Variants in RCL1 observed in about 807,000 individuals in gnomAD.
The protein encoded by RCL1 is RNA terminal phosphate cyclase like 1, also known as RNA 3'-terminal phosphate cyclase-like protein.
RCL1 carries 24 observed loss-of-function variants against 42.4 expected under a neutral mutation model. The ratio of observed to expected loss-of-function variants is 0.57; its 90% CI spans 0.41 to 0.80. The LOEUF (loss-of-function observed/expected upper bound fraction) is 0.80, where lower values mean the gene tolerates loss of function less well. Among genes scored for constraint, RCL1 ranks in the 30% least tolerant of loss-of-function variants. The pLI, the probability that RCL1 is intolerant of heterozygous loss-of-function variation, is 0.00. For synonymous variants in RCL1, 228 were observed against 177.3 expected (o/e 1.29, Z -2.27); for missense variants, 578 against 467.9 (o/e 1.24, Z -2.17).
At chr9:4,818,146 C>T (rs1816457976) in intron 1 of RCL1, among the ~76,000 whole-genome samples, 1 of 151,868 alleles carries the variant, frequency 6.6e-6, no homozygotes, top group African/African-American at 2.4e-5. Flanking sequence ...GTCTTGAACT[C>T]CTGACCTCAG....
chr9:4,803,189 G>A (rs1188537601), intron 1 of RCL1, among the ~76,000 whole-genome samples: 2 of 152,016 alleles, frequency 1.3e-5, no homozygotes, highest in Non-Finnish European at 2.9e-5. Flanking sequence ...ATCTTACTTA[G>A]GTCATAAATG....
At chr9:4,823,949 C>T (rs535315845) in intron 2 of RCL1, among the ~76,000 whole-genome samples, 3 of 152,012 alleles carry the variant, frequency 2.0e-5, no homozygotes, top group Non-Finnish European at 4.4e-5. Flanking sequence ...ACCCAGTTAC[C>T]TCTCTGTGAT....
intron 1 of RCL1, among the ~76,000 whole-genome samples, chr9:4,800,136 GA>G (rs1389029687): frequency 1.3e-5 from 2 of 152,012 alleles, no homozygotes; most frequent in African/African-American, 4.8e-5. Context: ...TTTACCTGTT[GA>G]AAAACATGTA....
At chr9:4,822,555 C>G (rs1045416791) in intron 1 of RCL1, among the ~76,000 whole-genome samples, 1 of 152,138 alleles carries the variant, frequency 6.6e-6, no homozygotes, top group Non-Finnish European at 1.5e-5. Context: ...TGGTGGCTCA[C>G]GACTGTAATC....
chr9:4,834,276 C>T lies in RCL1; in HGVS notation c.584+11C>T, dbSNP rs1587718728. 1.2e-6 allele frequency: 2 copies of T among 1,600,226 alleles called. No individual in the cohort carries two copies. The highest frequency in any genetic ancestry group is 2.3e-5 in the South Asian group (2 of 88,382). Reference sequence around the variant, plus strand: ...TATTAGAGGAATGGCGTATCCTTTCCATTTATTTGGATTTCTTTTTTTTTT... The same window carrying T: ...TATTAGAGGAATGGCGTATCCTTTCTATTTATTTGGATTTCTTTTTTTTTT... On this transcript the variant is annotated intron_variant, in intron 5 of 8. Coordinates refer to ENST00000381750, the MANE Select transcript of RCL1 (RefSeq NM_005772.5).
At position 4,833,959 on chromosome 9, in the gene RCL1, C is replaced by T. The variant is rs186238736; in HGVS notation, c.460-182C>T. 3.9e-5 allele frequency among the ~76,000 whole-genome samples: 6 copies of T among 152,254 alleles called. No individual in the cohort carries two copies. The East Asian group carries it at 9.6e-4, about 24-fold the overall frequency. ...TCGACTTGGACTTTGACACATGCTG[C>T]ACAGGTACTCTCTAGGAGCCAACAT... On this transcript the variant is annotated intron_variant, in intron 4 of 8. Coordinates refer to ENST00000381750, the MANE Select transcript of RCL1 (RefSeq NM_005772.5).
chr9:4,811,232 T>C (rs1054348382), intron 1 of RCL1, among the ~76,000 whole-genome samples: 1 of 149,092 alleles, frequency 6.7e-6, no homozygotes, highest in African/African-American at 2.5e-5. Context: ...CAGTGAGTCA[T>C]GATCACACCA....
chr9:4,821,671 C>T (rs1372816706), intron 1 of RCL1, among the ~76,000 whole-genome samples: 2 of 151,960 alleles, frequency 1.3e-5, no homozygotes, highest in African/African-American at 4.8e-5. Context: ...CAGAGATGGG[C>T]ATCTTGCTGT....
intron 3 of RCL1, among the ~76,000 whole-genome samples, chr9:4,828,465 G>A (rs1215858911): frequency 2.0e-5 from 3 of 151,468 alleles, no homozygotes; most frequent in Non-Finnish European, 4.4e-5. Context: ...TTTTCCCTGG[G>A]ATACTGAGTA....
intron 5 of RCL1, among the ~76,000 whole-genome samples, chr9:4,837,936 C>G (rs979908249): frequency 1.3e-5 from 2 of 152,230 alleles, no homozygotes; most frequent in African/African-American, 4.8e-5. Context: ...ACACAGTGCC[C>G]TTTCTCAGAT....
In RCL1 at chr9:4,849,524, C is replaced by T; in HGVS notation, c.945C>T (p.Val315=). ...MTLGQQDVSK[V]LLGPLSPYTI... The stretch of plus-strand genomic sequence containing the variant: ...TTGGACAGCAGGATGTTTCCAAAGT[C>T]CTGCTAGGCCCTCTCTCTCCCTACA... The change falls in exon 8 of 9, where the codon GTC becomes GTT. Residue 315 remains valine (V), a synonymous_variant. Transcript: ENST00000381750. 2.5e-6 allele frequency: 4 copies of T among 1,613,232 alleles called. No individual in the cohort carries two copies. The highest frequency in any genetic ancestry group is 3.4e-6 in the Non-Finnish European group (4 of 1,179,494).
chr9:4,827,983 G>A (rs544293732), intron 3 of RCL1, among the ~76,000 whole-genome samples: 55 of 152,076 alleles, frequency 3.6e-4, no homozygotes, highest in Non-Finnish European at 6.9e-4. Context: ...TCAGGAGATC[G>A]AGACCAGCCT....
chr9:4,825,023 T>C (rs889737303), intron 2 of RCL1, among the ~76,000 whole-genome samples: 1 of 152,044 alleles, frequency 6.6e-6, no homozygotes, highest in Non-Finnish European at 1.5e-5. Flanking sequence ...ACGATTCTCC[T>C]GCCTTAGCCT....
At position 4,841,266 on chromosome 9, in the gene RCL1, C is replaced by T. The variant is rs749236425; in HGVS notation, c.619C>T (p.Arg207Trp). ...SVRVSPQMAN[R>W]IVDSARSILN... ...ACGTGTGTCACCTCAGATGGCGAAC[C>T]GGATTGTGGATTCTGCAAGGAGCAT... is the stretch of plus-strand genomic sequence containing the variant. The change falls in exon 6 of 9, where the codon CGG becomes TGG. Residue 207 changes from arginine (R) to tryptophan (W), a missense_variant. Arg to Trp is a moderately radical substitution (Grantham distance 101). Transcript: ENST00000381750. 53 of 1,613,344 alleles carry T rather than the reference C, an allele frequency of 3.3e-5. No individual in the cohort carries two copies. Among genetic ancestry groups the T allele is most frequent in the Non-Finnish European group, 4.2e-5 (49 of 1,179,464 alleles).
chr9:4,858,880 C>T (rs893660560), intron 8 of RCL1, among the ~76,000 whole-genome samples: 6 of 152,216 alleles, frequency 3.9e-5, no homozygotes, highest in Admixed American at 3.3e-4. Context: ...ATTCCCTAAC[C>T]TTGCCCAATG....
At chr9:4,811,832 C>A (rs1323060914) in intron 1 of RCL1, among the ~76,000 whole-genome samples, 3 of 152,124 alleles carry the variant, frequency 2.0e-5, no homozygotes, top group African/African-American at 7.2e-5. Context: ...TATTTAAGTT[C>A]CTTCTTTTTG....
intron 7 of RCL1, among the ~76,000 whole-genome samples, chr9:4,846,355 G>A (rs1021926381): frequency 1.9e-4 from 29 of 152,254 alleles, no homozygotes; most frequent in African/African-American, 6.8e-4. Flanking sequence ...AGAAGAAGGA[G>A]ATGAAATCTT....
intron 7 of RCL1, 71 bp downstream of exon 7, chr9:4,844,752 C>T: frequency 4.0e-6 from 6 of 1,496,826 alleles, no homozygotes; most frequent in South Asian, 2.5e-5. Flanking sequence ...CATCTCTTGG[C>T]AGCTTTCGTC....
intron 1 of RCL1, among the ~76,000 whole-genome samples, chr9:4,797,099 G>T (rs989440798): frequency 1.3e-5 from 2 of 152,130 alleles, no homozygotes; most frequent in Admixed American, 6.6e-5. Context: ...TCTGCCTTTC[G>T]CTATTAGCTC....
Sources: gnomAD v4.1 joint callset for allele counts (sites outside exome capture counted in the v4.1 genomes callset) on GRCh38, gnomAD v4.1.1 for gene constraint, MANE v1.5 for transcripts, NCBI Gene and HGNC (gene_info 2026-07-23, HGNC 2026-07-21) for gene names.